Variants in NALF1 observed in about 807,000 individuals in gnomAD.
NALF1 encodes the protein NALCN channel auxiliary factor 1.
A neutral mutation model predicts 48.4 loss-of-function variants in NALF1; 3 were observed. That is an observed-to-expected ratio of 0.06 (90% CI 0.03 to 0.16). The LOEUF is 0.16. Among genes scored for constraint, NALF1 ranks in the 10% least tolerant of loss-of-function variants. The pLI is 1.00. For synonymous variants in NALF1, 262 were observed against 245.7 expected (o/e 1.07, Z -0.62); for missense variants, 526 against 571.5 (o/e 0.92, Z 0.81).
chr13:107,487,248 G>GTAACTA (rs1376823963), intron 1 of NALF1, among the ~76,000 whole-genome samples: 4 of 152,074 alleles, frequency 2.6e-5, no homozygotes, highest in Non-Finnish European at 5.9e-5. Context: ...AAAATTATCT[G>GTAACTA]GAGTAACTAA....
intron 1 of NALF1, among the ~76,000 whole-genome samples, chr13:107,629,241 T>G (rs2138446963): frequency 6.6e-6 from 1 of 152,320 alleles, no homozygotes; most frequent in Admixed American, 6.5e-5. Flanking sequence ...ATGCTATTTG[T>G]AGGAGTAATA....
intron 2 of NALF1, among the ~76,000 whole-genome samples, chr13:107,207,363 C>T (rs1159463275): frequency 6.6e-6 from 1 of 152,124 alleles, no homozygotes; most frequent in Non-Finnish European, 1.5e-5. Flanking sequence ...ATAATGTAAA[C>T]TATTTAAAAA....
At chr13:107,370,257 G>A (rs1358019283) in intron 1 of NALF1, among the ~76,000 whole-genome samples, 1 of 152,228 alleles carries the variant, frequency 6.6e-6, no homozygotes, top group African/African-American at 2.4e-5. Flanking sequence ...AACAGCACAT[G>A]CAGTGGATGA....
intron 1 of NALF1, among the ~76,000 whole-genome samples, chr13:107,346,098 A>T (rs570019873): frequency 6.6e-6 from 1 of 152,264 alleles, no homozygotes; most frequent in African/African-American, 2.4e-5. Context: ...GCATAACACA[A>T]AACAGAACAG....
chr13:107,459,111 T>G lies in NALF1; in HGVS notation c.916-248356A>C, dbSNP rs899871519. Among the ~76,000 whole-genome samples the G allele has an allele frequency of 4.6e-5, 7 of 151,870 alleles. 1 individual carries two copies. The highest frequency in any genetic ancestry group is 2.0e-4 in the Admixed American group (3 of 15,260). On this transcript the variant is annotated intron_variant, in intron 1 of 2. Coordinates refer to ENST00000375915, the MANE Select transcript of NALF1 (RefSeq NM_001080396.3). ...TGCTCTGTGAAGACCATTAAAAGAATAAGAAGACAAGCCACAGACTAAAAG... is the reference window on the plus strand; with the variant it reads ...TGCTCTGTGAAGACCATTAAAAGAAGAAGAAGACAAGCCACAGACTAAAAG...
chr13:107,613,413 G>C (rs1007803628), intron 1 of NALF1, among the ~76,000 whole-genome samples: 2 of 152,142 alleles, frequency 1.3e-5, no homozygotes, highest in Non-Finnish European at 2.9e-5. Context: ...CTTTCTTGAG[G>C]GTGCTGCAGA....
At chr13:107,377,429 A>G (rs1363016828) in intron 1 of NALF1, among the ~76,000 whole-genome samples, 1 of 152,132 alleles carries the variant, frequency 6.6e-6, no homozygotes, top group East Asian at 1.9e-4. Flanking sequence ...TGGAGAATCT[A>G]AAAGAATGCA....
At chr13:107,564,321 C>A (rs1877727124) in intron 1 of NALF1, among the ~76,000 whole-genome samples, 1 of 152,098 alleles carries the variant, frequency 6.6e-6, no homozygotes, top group Non-Finnish European at 1.5e-5. Flanking sequence ...GATTGATTTA[C>A]CAAAAATCTT....
At chr13:107,706,045 T>C (rs1272766252) in intron 1 of NALF1, among the ~76,000 whole-genome samples, 1 of 152,170 alleles carries the variant, frequency 6.6e-6, no homozygotes, top group Non-Finnish European at 1.5e-5. Context: ...GAATCAGTTT[T>C]ATCTCTAGTA....
intron 1 of NALF1, among the ~76,000 whole-genome samples, chr13:107,371,188 T>C (rs1566498162): frequency 6.6e-6 from 1 of 152,180 alleles, no homozygotes; most frequent in Non-Finnish European, 1.5e-5. Context: ...GGCTCATGCT[T>C]ATAATCCCAG....
In NALF1 at chr13:107,607,629, C is replaced by T. The variant is rs199755357; in HGVS notation, c.915+258053G>A. Reference sequence around the variant, plus strand: ...CCACTTAGGAAGCCCTCACTCCTCCCTCCTGCTCTGTGATATCGGGGTGTC... The same window carrying T: ...CCACTTAGGAAGCCCTCACTCCTCCTTCCTGCTCTGTGATATCGGGGTGTC... On this transcript the variant is annotated intron_variant, in intron 1 of 2. Coordinates refer to ENST00000375915, the MANE Select transcript of NALF1 (RefSeq NM_001080396.3). Among the ~76,000 whole-genome samples, 9 of 152,260 alleles carry T rather than the reference C, an allele frequency of 5.9e-5. No homozygotes were observed. The East Asian group carries it at 1.2e-3, about 20-fold the overall frequency.
At chr13:107,384,194 A>G (rs1428291179) in intron 1 of NALF1, among the ~76,000 whole-genome samples, 1 of 152,172 alleles carries the variant, frequency 6.6e-6, no homozygotes, top group African/African-American at 2.4e-5. Flanking sequence ...TTGAGGTTGC[A>G]GTGAGCTGTG....
At chr13:107,470,465 C>T (rs764699130) in intron 1 of NALF1, among the ~76,000 whole-genome samples, 4 of 152,142 alleles carry the variant, frequency 2.6e-5, no homozygotes, top group South Asian at 2.1e-4. Flanking sequence ...AGGGAAGTCA[C>T]GAAGTTTTCT....
intron 1 of NALF1, among the ~76,000 whole-genome samples, chr13:107,686,277 AG>A (rs1210383288): frequency 2.6e-5 from 4 of 152,194 alleles, no homozygotes; most frequent in Admixed American, 1.3e-4. Flanking sequence ...CCCACCTGGT[AG>A]GAAGTTCAAT....
At chr13:107,341,076 T>A (rs1230892469) in intron 1 of NALF1, among the ~76,000 whole-genome samples, 1 of 150,644 alleles carries the variant, frequency 6.6e-6, no homozygotes, top group African/African-American at 2.4e-5. Flanking sequence ...CTTGCATATA[T>A]CTTTCTTTGG....
At chr13:107,485,957 A>C (rs181586337) in intron 1 of NALF1, among the ~76,000 whole-genome samples, 1 of 152,262 alleles carries the variant, frequency 6.6e-6, no homozygotes, top group Admixed American at 6.5e-5. Context: ...ACTTGCCCAG[A>C]TCTCTAGATG....
intron 1 of NALF1, among the ~76,000 whole-genome samples, chr13:107,788,052 G>A (rs539314002): frequency 6.6e-5 from 10 of 152,214 alleles, no homozygotes; most frequent in East Asian, 3.9e-4. Flanking sequence ...CTTGCCCAGC[G>A]GAGCCACCAT....
At chr13:107,212,265 A>G (rs1879778311) in intron 1 of NALF1, among the ~76,000 whole-genome samples, 1 of 152,258 alleles carries the variant, frequency 6.6e-6, no homozygotes, top group Non-Finnish European at 1.5e-5. Context: ...ACACTTTTAA[A>G]TGGCCAAAAG....
At chr13:107,463,872 G>A (rs1265217195) in intron 1 of NALF1, among the ~76,000 whole-genome samples, 1 of 152,172 alleles carries the variant, frequency 6.6e-6, no homozygotes, top group Admixed American at 6.5e-5. Context: ...TTGATATAAT[G>A]ATAAGGAAGG....
Sources: allele counts gnomAD v4.1 joint callset (sites outside exome capture counted in the v4.1 genomes callset), GRCh38; gene constraint gnomAD v4.1.1; transcripts MANE v1.5; gene names NCBI Gene and HGNC (gene_info 2026-07-23, HGNC 2026-07-21).